Variants in PCNT observed in about 807,000 individuals in gnomAD.
The protein encoded by PCNT is kendrin.
Under a neutral mutation model 380.4 loss-of-function variants are expected in PCNT, and 319 were observed. The observed-to-expected ratio is 0.84, with a 90% CI of 0.77 to 0.92. The LOEUF (loss-of-function observed/expected upper bound fraction) is 0.92, where lower values mean the gene tolerates loss of function less well. Among genes scored for constraint, PCNT ranks in the 40% least tolerant of loss-of-function variants. The pLI, the probability that PCNT is intolerant of heterozygous loss-of-function variation, is 0.00. For missense variants in PCNT, 4,400 were observed against 4,255.3 expected, an observed-to-expected ratio of 1.03 and a Z score of -0.95; for synonymous variants, 1,845 against 1,735.2, an observed-to-expected ratio of 1.06 and a Z score of -1.57.
chr21:46,334,499 G>A lies in PCNT; in HGVS notation c.370G>A (p.Asp124Asn), dbSNP rs2083666727. The A allele has an allele frequency of 6.2e-7, 1 of 1,610,126 alleles. No homozygotes were observed. Among genetic ancestry groups the A allele is most frequent in the East Asian group, 2.2e-5 (1 of 44,824 alleles). ...PEQCGMFTVS[D>N]HPPEQHGMFT... ...GCAGTGTGGGATGTTCACAGTCAGTGACCACCCACCAGAACAGCATGGGAT... is the reference window on the plus strand; with the variant it reads ...GCAGTGTGGGATGTTCACAGTCAGTAACCACCCACCAGAACAGCATGGGAT... The change falls in exon 3 of 47, where the codon GAC becomes AAC. Residue 124 changes from aspartate to asparagine, a missense_variant. Physicochemically the swap from Asp to Asn is conservative, Grantham distance 23. Coordinates refer to ENST00000359568, the MANE Select transcript of PCNT (RefSeq NM_006031.6).
intron 2 of PCNT, among the ~76,000 whole-genome samples, chr21:46,332,204 T>C (rs996948777): frequency 2.0e-5 from 3 of 152,168 alleles, no homozygotes; most frequent in Admixed American, 6.5e-5. Flanking sequence ...AGGTCAAGAA[T>C]TTCAGAAGAA....
At chr21:46,409,190 C>CTTTTTTT (rs11399485) in intron 27 of PCNT, among the ~76,000 whole-genome samples, 4 of 123,996 alleles carry the variant, frequency 3.2e-5, no homozygotes, top group African/African-American at 6.1e-5. Flanking sequence ...AAACTTTTTA[C>CTTTTTTT]TTTTTTTTTT....
intron 15 of PCNT, among the ~76,000 whole-genome samples, chr21:46,373,658 C>T (rs575809700): frequency 7.3e-5 from 11 of 150,900 alleles, no homozygotes; most frequent in African/African-American, 2.7e-4. Flanking sequence ...ATCTCTTGAC[C>T]TCGTGATCCG....
chr21:46,440,825 G>A, intron 42 of PCNT, 30 bp from the exon 43 acceptor site: 1 of 1,327,218 alleles, frequency 7.5e-7, no homozygotes, highest in Non-Finnish European at 1.1e-6. Flanking sequence ...TGTTTCCTAT[G>A]ATAAAATTTT....
intron 46 of PCNT, 34 bp downstream of exon 46, chr21:46,444,855 T>C: frequency 6.2e-7 from 1 of 1,602,754 alleles, no homozygotes; most frequent in East Asian, 2.2e-5. Flanking sequence ...TTTATTAAGC[T>C]GATTATCACT....
chr21:46,404,366 C>G (rs1047645906), intron 27 of PCNT, among the ~76,000 whole-genome samples: 1 of 144,754 alleles, frequency 6.9e-6, no homozygotes, highest in Non-Finnish European at 1.6e-5. Flanking sequence ...GTTCTGTCGG[C>G]TCTGTTTTGA....
At chr21:46,442,949 C>T (rs1050802305) in intron 44 of PCNT, 7 of 316,406 alleles carry the variant, frequency 2.2e-5, no homozygotes, top group East Asian at 8.4e-5. Context: ...ATCTTTGTCT[C>T]GGGAGTTCTC....
intron 14 of PCNT, among the ~76,000 whole-genome samples, chr21:46,365,605 C>G (rs2084891317): frequency 1.4e-5 from 2 of 142,938 alleles, no homozygotes; most frequent in Non-Finnish European, 3.0e-5. Context: ...CCATGGCCTT[C>G]TATTCACTGC....
At chr21:46,325,052 C>G (rs902663020) in intron 1 of PCNT, 23 of 985,404 alleles carry the variant, frequency 2.3e-5, no homozygotes, top group African/African-American at 1.7e-4. Flanking sequence ...TCCCGTCTTT[C>G]TCCCGCCCCG....
Position 46,431,673 on chromosome 21 carries a change from C to T in PCNT, c.8209C>T (p.Arg2737Trp), listed in dbSNP as rs369377623. Reference sequence around the variant, plus strand: ...CTGCGAGGCCTTGCTGGCTCAGGAGCGGAGCCAGCTCTCTGAGCTCCAGAA... The same window carrying T: ...CTGCGAGGCCTTGCTGGCTCAGGAGTGGAGCCAGCTCTCTGAGCTCCAGAA... ...SRCEALLAQE[R>W]SQLSELQKDL... Residue 2737 changes from arginine (R) to tryptophan (W), a missense_variant, in exon 38 of 47, where the codon CGG (arginine) becomes TGG (tryptophan). Physicochemically the swap from Arg to Trp is moderately radical, Grantham distance 101 (BLOSUM62 -3). Coordinates refer to ENST00000359568, the MANE Select transcript of PCNT (RefSeq NM_006031.6). 3.9e-5 allele frequency: 63 copies of T among 1,613,068 alleles called. No individual in the cohort carries two copies. In the Admixed American group the frequency reaches 8.0e-4, roughly 20 times the overall value.
chr21:46,348,517 T>G lies in PCNT; in HGVS notation c.1033-495T>G, dbSNP rs2084155267. Among the ~76,000 whole-genome samples, 3 of 152,204 alleles carry G rather than the reference T, an allele frequency of 2.0e-5. 1 individual carries two copies. Among genetic ancestry groups the G allele is most frequent in the Admixed American group, 1.3e-4 (2 of 15,284 alleles). On this transcript the variant is annotated intron_variant, in intron 6 of 46. Coordinates refer to ENST00000359568, the MANE Select transcript of PCNT (RefSeq NM_006031.6). ...CCTTGCTCACTTTTCCTCAACTGCT[T>G]GCCTCCTGGATGCTTCTGCTTTTCT... is the stretch of plus-strand genomic sequence containing the variant.
At position 46,353,262 on chromosome 21, in the gene PCNT, AC is replaced by A. The variant is rs775534959; in HGVS notation, c.1618del (p.Leu540CysfsTer27). 1 of 1,614,152 alleles carries A rather than the reference AC, an allele frequency of 6.2e-7. No individual in the cohort carries two copies. The highest frequency in any genetic ancestry group is 1.7e-5 in the Admixed American group (1 of 60,026). ...DAEKTYQEDL[T>X]LLQQRLQGAR... is the part of the protein sequence containing the mutation. The stretch of plus-strand genomic sequence containing the variant: ...TGAGAAAACTTACCAAGAAGACCTA[AC>A]CCTGTTACAGCAGAGGCTGCAGGGG... On this transcript the variant is annotated frameshift_variant, in exon 10 of 47. Transcript: ENST00000359568. LOFTEE classifies it high-confidence loss of function.
chr21:46,390,218 CAGG>C (rs139405921), intron 19 of PCNT, among the ~76,000 whole-genome samples: 8,421 of 152,338 alleles, frequency 0.055, 303 homozygotes, highest in Non-Finnish European at 0.08. Flanking sequence ...GAGGCTGAGG[CAGG>C]AGGATTGCTT....
chr21:46,422,000 G>A lies in PCNT; in HGVS notation c.7055G>A (p.Ser2352Asn), dbSNP rs374277813. 3 of 1,614,008 alleles carry A rather than the reference G, an allele frequency of 1.9e-6. No individual in the cohort carries two copies. Among genetic ancestry groups the A allele is most frequent in the Non-Finnish European group, 2.5e-6 (3 of 1,180,036 alleles). The part of the protein sequence containing the change: ...SDGSGFGARL[S>N]PGSGGPEAQT... ...GGCTCGGGTTTTGGAGCAAGACTGA[G>A]CCCGGGGTCAGGAGGCCCTGAGGCT... Residue 2352 changes from serine to asparagine, a missense_variant, in exon 32 of 47, where the codon AGC (serine) becomes AAC (asparagine). Coordinates refer to ENST00000359568, the MANE Select transcript of PCNT (RefSeq NM_006031.6).
At chr21:46,401,820 C>T in intron 26 of PCNT, 99 bp downstream of exon 26, 2 of 1,065,326 alleles carry the variant, frequency 1.9e-6, no homozygotes, top group East Asian at 4.7e-5. Flanking sequence ...AGGCGATGGG[C>T]TTGTGACCAC....
intron 21 of PCNT, among the ~76,000 whole-genome samples, chr21:46,392,079 TTTATTA>T (rs200553388): frequency 1.3e-5 from 2 of 152,174 alleles, no homozygotes; most frequent in African/African-American, 2.4e-5. Context: ...AGAAGTCTCA[TTTATTA>T]TTATTATTAT....
intron 15 of PCNT, among the ~76,000 whole-genome samples, chr21:46,371,994 CACACACACACA>C (rs2085153577): frequency 6.7e-6 from 1 of 150,020 alleles, no homozygotes; most frequent in African/African-American, 2.5e-5. Context: ...GCAGCACATG[CACACACACACA>C]GCACATGCAC....
At chr21:46,354,220 C>A in intron 11 of PCNT, 152 bp downstream of exon 11, 1 of 749,996 alleles carries the variant, frequency 1.3e-6, no homozygotes, top group Non-Finnish European at 2.4e-6. Flanking sequence ...CTCACTGCTG[C>A]TCCGCGGTGG....
At chr21:46,380,145 ATTTTTTTTTTTTTTTTTTTTTTTT>A (rs552854585) in intron 15 of PCNT, among the ~76,000 whole-genome samples, 14 of 59,682 alleles carry the variant, frequency 2.3e-4, no homozygotes, top group Admixed American at 2.6e-4. Flanking sequence ...CCTGGGGTAG[ATTTTTTTTTTTTTTTTTTTTTTTT>A]TTTTTTTTTT....
Sources: allele counts gnomAD v4.1 joint callset (sites outside exome capture counted in the v4.1 genomes callset), GRCh38; gene constraint gnomAD v4.1.1; transcripts MANE v1.5; gene names NCBI Gene and HGNC (gene_info 2026-07-23, HGNC 2026-07-21).